Variants in AUH observed in about 807,000 individuals in gnomAD.
AUH encodes methylglutaconyl-CoA hydratase, mitochondrial.
AUH carries 29 observed loss-of-function variants against 42.3 expected under a neutral mutation model. That is an observed-to-expected ratio of 0.69 (90% CI 0.51 to 0.93). The LOEUF (loss-of-function observed/expected upper bound fraction) is 0.93, where lower values mean the gene tolerates loss of function less well. AUH is among the 40% of genes least tolerant of loss of function. The probability of loss-of-function intolerance (pLI) is 0.00; values close to 1 mark genes in which losing one functional copy is unlikely to be tolerated. For synonymous variants in AUH, 174 were observed against 166.4 expected (o/e 1.05, Z -0.35); for missense variants, 452 against 438.1 (o/e 1.03, Z -0.28).
chr9:91,357,457 A>C, intron 1 of AUH: 4 of 954,436 alleles, frequency 4.2e-6, no homozygotes, highest in Non-Finnish European at 5.0e-6. Context: ...AGATGTGTCC[A>C]TTCATTCAAA....
intron 6 of AUH, among the ~76,000 whole-genome samples, chr9:91,259,288 A>G (rs1361197652): frequency 2.0e-5 from 3 of 152,210 alleles, no homozygotes; most frequent in African/African-American, 7.2e-5. Flanking sequence ...AATGTTTCTC[A>G]TAATATTCTC....
intron 6 of AUH, among the ~76,000 whole-genome samples, chr9:91,269,018 T>C (rs1824892647): frequency 6.6e-6 from 1 of 152,068 alleles, no homozygotes; most frequent in South Asian, 2.1e-4. Flanking sequence ...TCTCGCTCTG[T>C]CACCCAGGCT....
At chr9:91,298,110 T>G in intron 4 of AUH, 34 bp from the exon 5 acceptor site, 1 of 1,483,476 alleles carries the variant, frequency 6.7e-7, no homozygotes, top group Non-Finnish European at 9.4e-7. Context: ...GCTTCCTTAA[T>G]AAGATTATTA....
chr9:91,231,184 G>A (rs1053937899), intron 6 of AUH, among the ~76,000 whole-genome samples: 1 of 152,164 alleles, frequency 6.6e-6, no homozygotes, highest in African/African-American at 2.4e-5. Flanking sequence ...TCAGACTGCT[G>A]TGCTAGCAAT....
intron 4 of AUH, 133 bp downstream of exon 4, chr9:91,325,185 T>A (rs916011592): frequency 8.6e-5 from 56 of 652,766 alleles, no homozygotes; most frequent in Non-Finnish European, 2.9e-5. Context: ...AAGTGTCACG[T>A]TAAACAGCTA....
intron 3 of AUH, among the ~76,000 whole-genome samples, chr9:91,326,157 A>C (rs545137435): frequency 6.4e-4 from 98 of 152,278 alleles, no homozygotes; most frequent in African/African-American, 2.2e-3. Context: ...ACGAACAACA[A>C]AGTAAAATTA....
intron 3 of AUH, among the ~76,000 whole-genome samples, chr9:91,331,673 T>C (rs866777527): frequency 6.6e-6 from 1 of 152,364 alleles, no homozygotes; most frequent in South Asian, 2.1e-4. Flanking sequence ...CCACCCACTA[T>C]AATGGCCCTC....
chr9:91,323,982 A>G (rs1182433550), intron 4 of AUH, among the ~76,000 whole-genome samples: 1 of 152,204 alleles, frequency 6.6e-6, no homozygotes, highest in African/African-American at 2.4e-5. Context: ...CTGATGTGCG[A>G]GAATCAACAG....
chr9:91,232,113 G>A (rs1185897087), intron 6 of AUH, among the ~76,000 whole-genome samples: 1 of 152,132 alleles, frequency 6.6e-6, no homozygotes, highest in African/African-American at 2.4e-5. Context: ...CAGGCATGGT[G>A]GTGGCTCACA....
intron 6 of AUH, among the ~76,000 whole-genome samples, chr9:91,244,481 T>A (rs1182363268): frequency 6.6e-6 from 1 of 152,202 alleles, no homozygotes; most frequent in African/African-American, 2.4e-5. Context: ...TTTAACAAAT[T>A]TTTTAGTTTT....
At chr9:91,276,146 A>C (rs1361151956) in intron 6 of AUH, among the ~76,000 whole-genome samples, 1 of 152,192 alleles carries the variant, frequency 6.6e-6, no homozygotes, top group Non-Finnish European at 1.5e-5. Flanking sequence ...AATTAGGAAC[A>C]GGTCGAGCGC....
intron 6 of AUH, among the ~76,000 whole-genome samples, chr9:91,260,627 T>C (rs1829660153): frequency 6.6e-6 from 1 of 152,182 alleles, no homozygotes; most frequent in African/African-American, 2.4e-5. Flanking sequence ...CAGAAGTTAA[T>C]TCATTATGTA....
chr9:91,295,150 G>GC (rs1399327513), intron 6 of AUH, among the ~76,000 whole-genome samples: 1 of 152,060 alleles, frequency 6.6e-6, no homozygotes, highest in Non-Finnish European at 1.5e-5. Context: ...CGTAAGACAT[G>GC]CCTTTGCTCT....
At chr9:91,262,659 C>T (rs906829164) in intron 6 of AUH, among the ~76,000 whole-genome samples, 13 of 148,696 alleles carry the variant, frequency 8.7e-5, no homozygotes, top group Non-Finnish European at 1.6e-4. Context: ...ACATCCATTA[C>T]GGTAACACTA....
intron 6 of AUH, among the ~76,000 whole-genome samples, chr9:91,272,216 C>T (rs1041252606): frequency 2.0e-5 from 3 of 152,160 alleles, no homozygotes; most frequent in Non-Finnish European, 4.4e-5. Flanking sequence ...AGGCCATGTG[C>T]TTCAATTTTT....
At chr9:91,218,822 A>G in intron 7 of AUH, 2 of 985,388 alleles carry the variant, frequency 2.0e-6, no homozygotes, top group Non-Finnish European at 2.4e-6. Flanking sequence ...ATTTGGCAAC[A>G]AAGTAACAAA....
chr9:91,257,819 G>C (rs1441650354), intron 6 of AUH, among the ~76,000 whole-genome samples: 1 of 152,128 alleles, frequency 6.6e-6, no homozygotes, highest in Non-Finnish European at 1.5e-5. Context: ...ATATTATCCA[G>C]GATTGCACTG....
chr9:91,233,579 T>C (rs1828011742), intron 6 of AUH, among the ~76,000 whole-genome samples: 1 of 152,108 alleles, frequency 6.6e-6, no homozygotes, highest in Admixed American at 6.5e-5. Flanking sequence ...AATCTGGGAA[T>C]AAAGCATTGC....
At chr9:91,347,236 GTTT>G (rs1831584070) in intron 3 of AUH, among the ~76,000 whole-genome samples, 1 of 151,566 alleles carries the variant, frequency 6.6e-6, no homozygotes, top group African/African-American at 2.4e-5. Context: ...TTGTTTGTTT[GTTT>G]GTTTTGGTAG....
Sources: gnomAD v4.1 joint callset for allele counts (sites outside exome capture counted in the v4.1 genomes callset) on GRCh38, gnomAD v4.1.1 for gene constraint, MANE v1.5 for transcripts, NCBI Gene and HGNC (gene_info 2026-07-23, HGNC 2026-07-21) for gene names.